The following AHCY variants were observed in gnomAD, a reference collection of about 807,000 sequenced individuals.
AHCY encodes the protein adenosylhomocysteinase, also known as S-adenosyl-L-homocysteine hydrolase.
AHCY carries 24 observed loss-of-function variants against 45.4 expected under a neutral mutation model. The observed-to-expected ratio is 0.53, with a 90% CI of 0.38 to 0.74. The LOEUF is 0.74. Ranked by LOEUF, AHCY falls within the 30% of genes least tolerant of loss-of-function variation. AHCY has a pLI of 0.00. For synonymous variants in AHCY, 245 were observed against 235.1 expected, an observed-to-expected ratio of 1.04 and a Z score of -0.39; for missense variants, 449 against 594.1, an observed-to-expected ratio of 0.76 and a Z score of 2.54.
the AHCY span, among the ~76,000 whole-genome samples, chr20:34,261,832 G>A: frequency 1.3e-5 from 2 of 151,958 alleles, no homozygotes; most frequent in Non-Finnish European, 2.9e-5. Flanking sequence ...TAAATAATCG[G>A]CCAGGCGCGG....
At chr20:34,279,458 C>T (rs1222007022), downstream of AHCY, among the ~76,000 whole-genome samples, 1 of 151,676 alleles carries the variant, frequency 6.6e-6, no homozygotes, top group Admixed American at 6.6e-5. Flanking sequence ...AAGATGCTTG[C>T]ACCATGCCTG....
chr20:34,304,523 G>T, upstream of AHCY, among the ~76,000 whole-genome samples: 1 of 150,192 alleles, frequency 6.7e-6, no homozygotes, highest in African/African-American at 2.5e-5. Context: ...TTTTTCCCCT[G>T]AATTTTTTTT....
the AHCY span, among the ~76,000 whole-genome samples, chr20:34,245,386 C>A: frequency 6.7e-6 from 1 of 149,694 alleles, no homozygotes; most frequent in Non-Finnish European, 1.5e-5. Context: ...TACCAAATGA[C>A]CAAATTTTAT....
intron 8 of AHCY, among the ~76,000 whole-genome samples, chr20:34,289,443 G>A (rs2036296352): frequency 6.7e-6 from 1 of 148,614 alleles, no homozygotes; most frequent in African/African-American, 2.5e-5. Flanking sequence ...AAAGTGCTGG[G>A]ATTACAGGCA....
intron 9 of AHCY, among the ~76,000 whole-genome samples, chr20:34,283,509 T>A (rs1225151016): frequency 6.6e-6 from 1 of 152,132 alleles, no homozygotes; most frequent in Non-Finnish European, 1.5e-5. Flanking sequence ...GAGTGTCCTG[T>A]CCCCAAGCCA....
At chr20:34,255,508 G>C in the AHCY span, among the ~76,000 whole-genome samples, 1 of 152,066 alleles carries the variant, frequency 6.6e-6, no homozygotes, top group Admixed American at 6.5e-5. Flanking sequence ...GGCACAAGCT[G>C]CTCCAGTATA....
chr20:34,250,488 T>C, the AHCY span, among the ~76,000 whole-genome samples: 1 of 152,106 alleles, frequency 6.6e-6, no homozygotes, highest in Admixed American at 6.5e-5. Flanking sequence ...GGCAACACAG[T>C]GAGATCACAT....
intron 1 of AHCY, chr20:34,302,889 C>A: frequency 1.0e-6 from 1 of 985,466 alleles, no homozygotes; most frequent in Non-Finnish European, 1.2e-6. Flanking sequence ...CGGTCCAGGC[C>A]TAGGAGGCCG....
intron 1 of AHCY, 24 bp downstream of exon 1, chr20:34,303,219 C>G (rs968279640): frequency 1.7e-5 from 27 of 1,551,164 alleles, no homozygotes; most frequent in Non-Finnish European, 2.4e-5. Flanking sequence ...GCGGCCGCAA[C>G]CGGCTGCAGG....
At chr20:34,291,108 C>T (rs527940436) in intron 5 of AHCY, among the ~76,000 whole-genome samples, 170 bp from the exon 6 acceptor site, 7 of 152,276 alleles carry the variant, frequency 4.6e-5, no homozygotes, top group South Asian at 2.1e-4. Context: ...TCACCCCGAT[C>T]GGCTCAAAGA....
At chr20:34,277,618 G>A (rs1204762646), downstream of AHCY, among the ~76,000 whole-genome samples, 2 of 151,886 alleles carry the variant, frequency 1.3e-5, no homozygotes, top group Non-Finnish European at 2.9e-5. Context: ...AGCCGGACAC[G>A]GTGGCGGGCG....
chr20:34,273,248 T>C, the AHCY span, among the ~76,000 whole-genome samples: 1 of 151,768 alleles, frequency 6.6e-6, no homozygotes, highest in Non-Finnish European at 1.5e-5. Context: ...GGAGGCACAT[T>C]GTATAATCTT....
chr20:34,293,077 C>T (rs895501595), intron 3 of AHCY, among the ~76,000 whole-genome samples: 2 of 152,180 alleles, frequency 1.3e-5, no homozygotes, highest in African/African-American at 4.8e-5. Flanking sequence ...GTGTGGGGTA[C>T]TTGCTTTCTG....
the AHCY span, among the ~76,000 whole-genome samples, chr20:34,259,889 T>C: frequency 6.6e-6 from 1 of 152,128 alleles, no homozygotes; most frequent in Non-Finnish European, 1.5e-5. Context: ...AGCCAACATA[T>C]ATGCTTGTCT....
At chr20:34,271,432 C>A in the AHCY span, among the ~76,000 whole-genome samples, 1 of 152,224 alleles carries the variant, frequency 6.6e-6, no homozygotes, top group Non-Finnish European at 1.5e-5. Flanking sequence ...CTGTCTCACA[C>A]ACATAGGGTG....
In AHCY at chr20:34,285,428, G is replaced by T; in HGVS notation, c.1167+12C>A. 6.2e-7 allele frequency: 1 copy of T among 1,613,738 alleles called. No individual in the cohort carries two copies. Among genetic ancestry groups the T allele is most frequent in the Non-Finnish European group, 8.5e-7 (1 of 1,179,774 alleles). On this transcript the variant is annotated intron_variant, in intron 9 of 9. Transcript: ENST00000217426. ...ACGTGACCCTTGGCTTGAGGTAGAA[G>T]AATAAACCCACCTTCTTGGGCAGGA...
At chr20:34,310,936 G>A (rs948494097) in intron 1 of AHCY, among the ~76,000 whole-genome samples, 1 of 152,144 alleles carries the variant, frequency 6.6e-6, no homozygotes, top group Non-Finnish European at 1.5e-5. Context: ...GATCGGCCTG[G>A]CCAACATGGC....
the AHCY span, among the ~76,000 whole-genome samples, chr20:34,257,826 A>G: frequency 6.6e-6 from 1 of 152,324 alleles, no homozygotes; most frequent in African/African-American, 2.4e-5. Flanking sequence ...GCCTTTTAAT[A>G]AAGGTCATCA....
chr20:34,258,828 A>G, the AHCY span, among the ~76,000 whole-genome samples: 4 of 122,126 alleles, frequency 3.3e-5, no homozygotes, highest in Admixed American at 1.1e-4. Context: ...TACTATATAT[A>G]GTATTATATA....
Sources: gnomAD v4.1 joint callset for allele counts (sites outside exome capture counted in the v4.1 genomes callset) on GRCh38, gnomAD v4.1.1 for gene constraint, MANE v1.5 for transcripts, NCBI Gene and HGNC (gene_info 2026-07-23, HGNC 2026-07-21) for gene names.